The following SMARCA2 variants were observed in gnomAD, a reference collection of about 807,000 sequenced individuals.
SMARCA2 encodes SWI/SNF related BAF chromatin remodeling complex subunit ATPase 2, also known as SWI/SNF-related matrix-associated actin-dependent regulator of chromatin subfamily A member 2.
In SMARCA2, 61 loss-of-function variants were observed where a neutral mutation model predicts 199.8. That is an observed-to-expected ratio of 0.31 (90% confidence interval 0.25 to 0.38). The LOEUF (loss-of-function observed/expected upper bound fraction) is 0.38. SMARCA2 is among the 10% of genes least tolerant of loss of function. The probability of loss-of-function intolerance (pLI) is 1.00; values close to 1 mark genes in which losing one functional copy is unlikely to be tolerated. For synonymous variants in SMARCA2, 935 were observed against 732.0 expected (o/e 1.28, Z -4.48); for missense variants, 1,344 against 2,012.2 (o/e 0.67, Z 6.35).
intron 21 of SMARCA2, among the ~76,000 whole-genome samples, chr9:2,098,947 CAA>C (rs773551875): frequency 1.7e-4 from 15 of 89,024 alleles, no homozygotes; most frequent in Admixed American, 3.5e-4. Context: ...AACTCGGTCT[CAA>C]AAAAAAAAAA....
At chr9:2,146,662 T>G (rs1161589331) in intron 27 of SMARCA2, among the ~76,000 whole-genome samples, 2 of 152,208 alleles carry the variant, frequency 1.3e-5, no homozygotes, top group Non-Finnish European at 2.9e-5. Flanking sequence ...CAGAGCAGCT[T>G]CGAGGGCTGC....
chr9:2,154,171 T>A (rs1304070500), intron 27 of SMARCA2, among the ~76,000 whole-genome samples: 1 of 152,132 alleles, frequency 6.6e-6, no homozygotes, highest in African/African-American at 2.4e-5. Context: ...GTGGCTACCT[T>A]TTTAGGGTTA....
At chr9:2,159,073 T>A in intron 27 of SMARCA2, 3 of 1,474,336 alleles carry the variant, frequency 2.0e-6, no homozygotes, top group Non-Finnish European at 2.8e-6. Flanking sequence ...TTTCAGTTGT[T>A]CTGTTTGCAA....
At chr9:2,021,060 G>T (rs1440510604) in intron 1 of SMARCA2, among the ~76,000 whole-genome samples, 1 of 152,140 alleles carries the variant, frequency 6.6e-6, no homozygotes, top group Non-Finnish European at 1.5e-5. Context: ...ATTTACAACA[G>T]TTTTTAAAAC....
At chr9:2,065,134 G>A (rs755873739) in intron 9 of SMARCA2, among the ~76,000 whole-genome samples, 2 of 152,022 alleles carry the variant, frequency 1.3e-5, no homozygotes, top group Non-Finnish European at 2.9e-5. Flanking sequence ...GCAGTGAGCC[G>A]AGACGGCGCC....
chr9:2,154,330 C>T (rs1825228524), intron 27 of SMARCA2, among the ~76,000 whole-genome samples: 1 of 152,158 alleles, frequency 6.6e-6, no homozygotes, highest in Non-Finnish European at 1.5e-5. Context: ...ATTAATGATG[C>T]TGTGTATCTG....
intron 4 of SMARCA2, chr9:2,045,481 C>G (rs1217441232): frequency 1.3e-5 from 2 of 152,050 alleles, no homozygotes; most frequent in African/African-American, 2.4e-5. Flanking sequence ...TGATAACTTA[C>G]TCCAATGCAT....
At chr9:2,020,343 C>T (rs1818546395) in intron 1 of SMARCA2, among the ~76,000 whole-genome samples, 1 of 151,806 alleles carries the variant, frequency 6.6e-6, no homozygotes, top group Admixed American at 6.6e-5. Flanking sequence ...TGGAAGCGTT[C>T]TTATTAGGGG....
intron 5 of SMARCA2, 24 bp downstream of exon 5, chr9:2,047,508 G>GC (rs1451326924): frequency 2.2e-6 from 3 of 1,371,130 alleles, no homozygotes; most frequent in Non-Finnish European, 1.9e-6. Context: ...CCAGCAAGGG[G>GC]CCCCCTGCGG....
At position 2,104,640 on chromosome 9, in the gene SMARCA2, A is replaced by G. The variant is rs1010884349; in HGVS notation, c.3292+471A>G. 6.6e-6 allele frequency among the ~76,000 whole-genome samples: 1 copy of G among 152,222 alleles called. No individual in the cohort carries two copies. The highest frequency in any genetic ancestry group is 2.4e-5 in the African/African-American group (1 of 41,458). On this transcript the variant is annotated intron_variant, in intron 23 of 33. Coordinates refer to ENST00000349721, the MANE Select transcript of SMARCA2 (RefSeq NM_003070.5). The surrounding 1 kb of genome is among the most constrained non-coding windows in gnomAD (Gnocchi z 4.0). The stretch of plus-strand genomic sequence containing the variant: ...GCCCCTCTCTTCCTAAATAAGACGT[A>G]TCCACATGTTACATTGTTAAGAGAC...
chr9:2,176,042 G>A (rs530398528), intron 29 of SMARCA2, among the ~76,000 whole-genome samples: 13 of 151,706 alleles, frequency 8.6e-5, no homozygotes, highest in African/African-American at 2.4e-4. Context: ...CACCATACTC[G>A]GCTAATTTTT....
At chr9:2,149,766 A>T (rs1389608403) in intron 27 of SMARCA2, among the ~76,000 whole-genome samples, 1 of 151,590 alleles carries the variant, frequency 6.6e-6, no homozygotes, top group African/African-American at 2.4e-5. Flanking sequence ...TTAGAGATTC[A>T]TTTTAAAGTT....
chr9:2,097,804 G>C (rs1278059408), intron 21 of SMARCA2, among the ~76,000 whole-genome samples: 1 of 152,166 alleles, frequency 6.6e-6, no homozygotes. Flanking sequence ...TGAAATTGAA[G>C]ATAATGATAA....
chr9:2,128,360 G>T (rs539396923), intron 27 of SMARCA2, among the ~76,000 whole-genome samples: 1 of 152,334 alleles, frequency 6.6e-6, no homozygotes, highest in East Asian at 1.9e-4. Context: ...ACAGGCACTA[G>T]TTAGAAGCTG....
chr9:2,148,328 A>C (rs920020196), intron 27 of SMARCA2, among the ~76,000 whole-genome samples: 6 of 151,636 alleles, frequency 4.0e-5, no homozygotes, highest in Admixed American at 3.3e-4. Context: ...TGGCCTAGAC[A>C]AGGAAGGTCT....
rs1318147623 is a variant in SMARCA2 at position 2,110,485 on chromosome 9, T to G, written c.3456+68T>G. 7.7e-7 allele frequency: 1 copy of G among 1,298,672 alleles called. No homozygotes were observed. Among genetic ancestry groups the G allele is most frequent in the East Asian group, 2.4e-5 (1 of 41,892 alleles). 80.4% of individuals were successfully genotyped at this position (1,298,672 alleles called of 1,614,324 possible). ...GCAACTAAAAGATGATCAGTTTCATTATTCACATTTACAGGACAGAGCAAA... is the reference window on the plus strand; with the variant it reads ...GCAACTAAAAGATGATCAGTTTCATGATTCACATTTACAGGACAGAGCAAA... On this transcript the variant is annotated intron_variant, in intron 24 of 33. Coordinates refer to ENST00000349721, the MANE Select transcript of SMARCA2 (RefSeq NM_003070.5). The surrounding 1 kb of genome is among the most constrained non-coding windows in gnomAD (Gnocchi z 4.8).
At chr9:2,143,453 A>G (rs1331488275) in intron 27 of SMARCA2, among the ~76,000 whole-genome samples, 2 of 152,340 alleles carry the variant, frequency 1.3e-5, no homozygotes, top group East Asian at 3.9e-4. Context: ...CAGAGAGAAG[A>G]TACCATTTGC....
In SMARCA2 at chr9:2,150,890, G is replaced by C. The variant is rs116431157; in HGVS notation, c.3982-10796G>C. ...GGGTTGTTCCTCTATGTGCATCTGTGTCTTAGCAGCCTTTTCTTAGAAAGA... is the reference window on the plus strand; with the variant it reads ...GGGTTGTTCCTCTATGTGCATCTGTCTCTTAGCAGCCTTTTCTTAGAAAGA... On this transcript the variant is annotated intron_variant, in intron 27 of 33. Transcript: ENST00000349721. Among the ~76,000 whole-genome samples, 766 of 151,566 alleles carry C rather than the reference G, an allele frequency of 5.1e-3. 15 individuals carry two copies. Among genetic ancestry groups the C allele is most frequent in the African/African-American group, 0.018 (732 of 41,430 alleles).
chr9:2,080,711 C>G (rs569492750), intron 14 of SMARCA2, among the ~76,000 whole-genome samples: 1 of 152,266 alleles, frequency 6.6e-6, no homozygotes, highest in South Asian at 2.1e-4. Context: ...TTGCATGGTA[C>G]AAAGTATCTC....
Sources: allele counts gnomAD v4.1 joint callset (sites outside exome capture counted in the v4.1 genomes callset), GRCh38; gene constraint gnomAD v4.1.1; non-coding constraint Gnocchi (gnomAD v3.1); transcripts MANE v1.5; gene names NCBI Gene and HGNC (gene_info 2026-07-23, HGNC 2026-07-21).